TSPAN4: variants seen among roughly 807,000 people sequenced by gnomAD.
TSPAN4 encodes the protein tetraspanin 4.
A neutral mutation model predicts 31.5 loss-of-function variants in TSPAN4; 38 were observed. That is an observed-to-expected ratio of 1.21 (90% CI 0.93 to 1.58). The LOEUF (loss-of-function observed/expected upper bound fraction) is 1.58. Among genes scored for constraint, TSPAN4 ranks in the 40% most tolerant of loss-of-function variants. The pLI is 0.00. For missense variants in TSPAN4, 330 were observed against 317.3 expected, an observed-to-expected ratio of 1.04 and a Z score of -0.30; for synonymous variants, 186 against 144.6, an observed-to-expected ratio of 1.29 and a Z score of -2.06.
chr11:856,318 A>G (rs1041622451), intron 3 of TSPAN4, among the ~76,000 whole-genome samples: 1 of 151,792 alleles, frequency 6.6e-6, no homozygotes, highest in Non-Finnish European at 1.5e-5. Context: ...GGTATGCTGG[A>G]CGGACATTGG....
Position 865,812 on chromosome 11 carries a change from C to G in TSPAN4, c.551C>G (p.Thr184Ser), listed in dbSNP as rs373485064. 4 of 1,612,374 alleles carry G rather than the reference C, an allele frequency of 2.5e-6. No homozygotes were observed. The highest frequency in any genetic ancestry group is 3.4e-6 in the Non-Finnish European group (4 of 1,179,708). The change falls in exon 7 of 9, where the codon ACC becomes AGC. Residue 184 changes from threonine to serine, a missense_variant. Thr to Ser is a moderately conservative substitution (Grantham distance 58). Coordinates refer to ENST00000397397, the MANE Select transcript of TSPAN4 (RefSeq NM_003271.5). ...SESCGLHAPG[T>S]WWKAPCYETV... Reference sequence around the variant, plus strand: ...AGCTGTGGGCTGCACGCCCCCGGCACCTGGTGGAAGGCGGTGAGTGAGACC... The same window carrying G: ...AGCTGTGGGCTGCACGCCCCCGGCAGCTGGTGGAAGGCGGTGAGTGAGACC...
chr11:845,210 G>C (rs2133980219), intron 1 of TSPAN4, among the ~76,000 whole-genome samples: 1 of 152,322 alleles, frequency 6.6e-6, no homozygotes. Context: ...ACAGATGTGT[G>C]CTCACCCCCA....
Position 862,562 on chromosome 11 carries a change from G to A in TSPAN4, c.76G>A (p.Gly26Ser), listed in dbSNP as rs2134056840. The A allele has an allele frequency of 6.2e-7, 1 of 1,608,402 alleles. No individual in the cohort carries two copies. The highest frequency in any genetic ancestry group is 1.3e-5 in the African/African-American group (1 of 74,946). The change falls in exon 4 of 9, where the codon GGC (glycine) becomes AGC (serine). Residue 26 changes from glycine (G) to serine (S), a missense_variant. Coordinates refer to ENST00000397397, the MANE Select transcript of TSPAN4 (RefSeq NM_003271.5). ...TGCTGTGCCCCAGCTGGGAGGCTGT[G>A]GCGTGCTGGGTGTCGGCATCTGGCT... ...FNLLFWLGGC[G>S]VLGVGIWLAA...
At chr11:861,065 G>A (rs991489570) in intron 3 of TSPAN4, among the ~76,000 whole-genome samples, 1 of 152,214 alleles carries the variant, frequency 6.6e-6, no homozygotes, top group African/African-American at 2.4e-5. Context: ...TCTGTCTGAA[G>A]GTGGGGTCCT....
intron 5 of TSPAN4, chr11:864,835 C>G (rs28459559): frequency 1 from 475,280 of 476,974 alleles, 236,818 homozygotes; most frequent in Middle Eastern, 1. Context: ...GTGGGGTTCT[C>G]CTCTGTAGAG....
chr11:850,719 G>A (rs1214275948), intron 3 of TSPAN4, among the ~76,000 whole-genome samples: 5 of 152,228 alleles, frequency 3.3e-5, no homozygotes, highest in Non-Finnish European at 5.9e-5. Flanking sequence ...CGGGGTTCGA[G>A]TCCGGGTCGT....
chr11:865,575 C>G lies in TSPAN4; in HGVS notation c.393C>G (p.Asn131Lys). ...TGCACCTGTACGGCACGCAGGGCAA[C>G]GTGGGCCTCACCAACGCCTGGAGCA... ...KGLHLYGTQGNVGLTNAWSII... is the reference protein window; with the variant it reads ...KGLHLYGTQGKVGLTNAWSII... The change falls in exon 6 of 9, where the codon AAC becomes AAG. Residue 131 changes from asparagine (N) to lysine (K), a missense_variant. Transcript: ENST00000397397. 6.2e-7 allele frequency: 1 copy of G among 1,612,796 alleles called. No homozygotes were observed. Among genetic ancestry groups the G allele is most frequent in the South Asian group, 1.1e-5 (1 of 91,074 alleles).
intron 3 of TSPAN4, among the ~76,000 whole-genome samples, chr11:856,453 C>A (rs1056731101): frequency 7.2e-5 from 11 of 152,202 alleles, no homozygotes; most frequent in African/African-American, 2.7e-4. Flanking sequence ...GGGACGGAGC[C>A]CCTCTCCTGG....
chr11:864,253 TG>T, intron 4 of TSPAN4, 183 bp from the exon 5 acceptor site: 1 of 690,840 alleles, frequency 1.4e-6, no homozygotes, highest in Non-Finnish European at 2.5e-6. Flanking sequence ...CCACAGTCCC[TG>T]GACCTGGGGC....
In TSPAN4 at chr11:862,738, C is replaced by T; in HGVS notation, c.252C>T (p.Leu84=). 6.2e-7 allele frequency: 1 copy of T among 1,609,778 alleles called. No individual in the cohort carries two copies. Among genetic ancestry groups the T allele is most frequent in the Non-Finnish European group, 8.5e-7 (1 of 1,178,160 alleles). The part of the protein sequence containing the change: ...GAIKENKCLL[L]TFFLLLLLVF... ...TCAAGGAGAACAAGTGCCTCCTGCTCACTGTGAGTGCCGGGGCCCAAGCGA... is the reference window on the plus strand; with the variant it reads ...TCAAGGAGAACAAGTGCCTCCTGCTTACTGTGAGTGCCGGGGCCCAAGCGA... The change falls in exon 4 of 9, where the codon CTC becomes CTT. Residue 84 remains leucine, a synonymous_variant. Transcript: ENST00000397397.
intron 2 of TSPAN4, chr11:850,021 CGG>C (rs371119639): frequency 0.29 from 64,108 of 220,464 alleles, 9,904 homozygotes; most frequent in Admixed American, 0.37. Flanking sequence ...CCGGCACACC[CGG>C]GCGCGATGCG....
At chr11:861,266 G>A (rs542912441) in intron 3 of TSPAN4, among the ~76,000 whole-genome samples, 1 of 152,246 alleles carries the variant, frequency 6.6e-6, no homozygotes, top group South Asian at 2.1e-4. Context: ...CGGGTGGCAG[G>A]TGCTCCTGTG....
chr11:855,681 C>T (rs1848005653), intron 3 of TSPAN4, among the ~76,000 whole-genome samples: 2 of 152,192 alleles, frequency 1.3e-5, no homozygotes, highest in East Asian at 1.9e-4. Flanking sequence ...GGACGTCGCT[C>T]AGGGCCCACA....
chr11:847,851 C>A (rs999812391), intron 2 of TSPAN4, among the ~76,000 whole-genome samples: 1 of 152,144 alleles, frequency 6.6e-6, no homozygotes, highest in African/African-American at 2.4e-5. Context: ...GCCTTGCCTG[C>A]CACTTCCCCT....
chr11:865,843 C>G lies in TSPAN4; in HGVS notation c.564+18C>G. On this transcript the variant is annotated intron_variant, in intron 7 of 8. Coordinates refer to ENST00000397397, the MANE Select transcript of TSPAN4 (RefSeq NM_003271.5). Reference sequence around the variant, plus strand: ...GGAAGGCGGTGAGTGAGACCCCCACCCTGGGGGCTGGTAGGGGCCTAGAGG... The same window carrying G: ...GGAAGGCGGTGAGTGAGACCCCCACGCTGGGGGCTGGTAGGGGCCTAGAGG... 6.2e-7 allele frequency: 1 copy of G among 1,612,270 alleles called. No homozygotes were observed. Among genetic ancestry groups the G allele is most frequent in the Non-Finnish European group, 8.5e-7 (1 of 1,179,654 alleles).
At chr11:862,804 C>T in intron 4 of TSPAN4, 63 bp downstream of exon 4, 1 of 1,483,076 alleles carries the variant, frequency 6.7e-7, no homozygotes, top group Non-Finnish European at 9.0e-7. Flanking sequence ...TCCGGTGGCC[C>T]CCAGGCCTTG....
chr11:862,489 G>A (rs971603391), intron 3 of TSPAN4, 61 bp from the exon 4 acceptor site: 2 of 1,443,578 alleles, frequency 1.4e-6, no homozygotes, highest in African/African-American at 1.4e-5. Flanking sequence ...CTCTGCCCTG[G>A]GGTCCAGAGC....
chr11:851,118 C>T (rs1847679044), intron 3 of TSPAN4, among the ~76,000 whole-genome samples: 1 of 152,208 alleles, frequency 6.6e-6, no homozygotes, highest in South Asian at 2.1e-4. Flanking sequence ...CCCACCCCAG[C>T]CCCATGTCAG....
intron 3 of TSPAN4, among the ~76,000 whole-genome samples, chr11:854,360 G>A (rs1055280491): frequency 5.9e-5 from 9 of 152,204 alleles, no homozygotes; most frequent in African/African-American, 1.2e-4. Flanking sequence ...AGTGCGGGAC[G>A]CCGGGCAGGT....
Sources: allele counts gnomAD v4.1 joint callset (sites outside exome capture counted in the v4.1 genomes callset), GRCh38; gene constraint gnomAD v4.1.1; transcripts MANE v1.5; gene names NCBI Gene and HGNC (gene_info 2026-07-23, HGNC 2026-07-21).